WWOX: variants seen among roughly 807,000 people sequenced by gnomAD.
The protein encoded by WWOX is WW domain containing oxidoreductase.
WWOX carries 69 observed loss-of-function variants against 46.2 expected under a neutral mutation model. The observed-to-expected ratio is 1.49, with a 90% confidence interval of 1.23 to 1.82. WWOX has a LOEUF of 1.82. Ranked by LOEUF, WWOX falls within the 40% of genes most tolerant of loss-of-function variation. The pLI is 0.00. For missense variants in WWOX, 919 were observed against 542.6 expected (o/e 1.69, Z -6.89); for synonymous variants, 359 against 202.6 (o/e 1.77, Z -6.56).
At chr16:78,842,044 C>G (rs958424112) in intron 8 of WWOX, among the ~76,000 whole-genome samples, 1 of 152,154 alleles carries the variant, frequency 6.6e-6, no homozygotes, top group African/African-American at 2.4e-5. Flanking sequence ...ATCTCCCCTT[C>G]AAGGGGACCA....
At chr16:79,126,250 CAG>C (rs558647113) in intron 8 of WWOX, among the ~76,000 whole-genome samples, 189 of 152,192 alleles carry the variant, frequency 1.2e-3, no homozygotes, top group African/African-American at 4.5e-3. Flanking sequence ...ATGCTGGAAA[CAG>C]AGGTAAGAAG....
At chr16:78,377,416 G>T (rs1222442867) in intron 5 of WWOX, among the ~76,000 whole-genome samples, 1 of 152,152 alleles carries the variant, frequency 6.6e-6, no homozygotes, top group Non-Finnish European at 1.5e-5. Context: ...GACAGAGAAA[G>T]CTTTTACGCT....
At chr16:78,526,191 T>C (rs1355722953) in intron 8 of WWOX, 1 of 152,222 alleles carries the variant, frequency 6.6e-6, no homozygotes, top group Admixed American at 6.5e-5. Context: ...GTAGTGGAGC[T>C]AGGGAGTAGC....
intron 8 of WWOX, among the ~76,000 whole-genome samples, chr16:78,751,867 A>C (rs144824208): frequency 6.6e-6 from 1 of 152,122 alleles, no homozygotes; most frequent in Non-Finnish European, 1.5e-5. Flanking sequence ...AAAGAAATTA[A>C]TTCCCATTTT....
intron 5 of WWOX, among the ~76,000 whole-genome samples, chr16:78,324,634 TATA>T (rs2080569598): frequency 6.6e-6 from 1 of 152,316 alleles, no homozygotes; most frequent in East Asian, 1.9e-4. Context: ...TGAGGCATTC[TATA>T]ATGTGAGTGA....
chr16:78,901,367 C>T (rs1209086260), intron 8 of WWOX, among the ~76,000 whole-genome samples: 9 of 152,168 alleles, frequency 5.9e-5, no homozygotes, highest in Admixed American at 3.3e-4. Flanking sequence ...GGAAATATTT[C>T]GGATGGAATT....
intron 8 of WWOX, among the ~76,000 whole-genome samples, chr16:78,727,802 G>A (rs1253295312): frequency 6.6e-6 from 1 of 152,046 alleles, no homozygotes; most frequent in Admixed American, 6.6e-5. Flanking sequence ...GAATGGTAGA[G>A]TGTGTCCTAC....
chr16:79,132,012 G>T (rs957238274), intron 8 of WWOX, among the ~76,000 whole-genome samples: 1 of 152,006 alleles, frequency 6.6e-6, no homozygotes, highest in Non-Finnish European at 1.5e-5. Flanking sequence ...CCATGATTCA[G>T]TTGTCTCCCT....
chr16:78,772,838 G>A (rs1269550467), intron 8 of WWOX, among the ~76,000 whole-genome samples: 1 of 152,082 alleles, frequency 6.6e-6, no homozygotes, highest in Admixed American at 6.6e-5. Context: ...GGACAACATA[G>A]CGTGAACTTG....
intron 8 of WWOX, among the ~76,000 whole-genome samples, chr16:79,080,175 A>G (rs7205886): frequency 0.093 from 14,129 of 152,156 alleles, 758 homozygotes; most frequent in African/African-American, 0.13. Flanking sequence ...ATGCATCAGG[A>G]TACCAGAGAA....
chr16:78,664,167 G>T (rs1337531887), intron 8 of WWOX, among the ~76,000 whole-genome samples: 1 of 152,146 alleles, frequency 6.6e-6, no homozygotes, highest in African/African-American at 2.4e-5. Context: ...GTGACCAGGT[G>T]ACAATAATGG....
chr16:78,615,977 C>G lies in WWOX; in HGVS notation c.1056+183225C>G, dbSNP rs997883971. ...GTGTTAGCCAGGATGGTCTCGATCT[C>G]CTGACCTCGTGATCTGCCTGCCTTG... is the stretch of plus-strand genomic sequence containing the variant. On this transcript the variant is annotated intron_variant, in intron 8 of 8. Transcript: ENST00000566780. Among the ~76,000 whole-genome samples, 4 of 152,236 alleles carry G rather than the reference C, an allele frequency of 2.6e-5. 1 individual carries two copies. The South Asian group carries it at 8.3e-4, about 32-fold the overall frequency.
chr16:79,037,327 T>C (rs2047887564), intron 8 of WWOX, among the ~76,000 whole-genome samples: 1 of 152,198 alleles, frequency 6.6e-6, no homozygotes, highest in African/African-American at 2.4e-5. Context: ...AGAATGGTTT[T>C]GATTCTCAAG....
At chr16:78,250,779 G>C (rs1295598087) in intron 5 of WWOX, among the ~76,000 whole-genome samples, 1 of 152,180 alleles carries the variant, frequency 6.6e-6, no homozygotes, top group African/African-American at 2.4e-5. Context: ...GTCCAGTGGT[G>C]GCGGTGGGCT....
intron 8 of WWOX, among the ~76,000 whole-genome samples, chr16:78,748,011 C>T (rs902857770): frequency 1.3e-5 from 2 of 152,146 alleles, no homozygotes; most frequent in African/African-American, 2.4e-5. Context: ...AGTCCATCTG[C>T]GCCGAAGAGT....
chr16:78,725,497 G>C (rs1362477257), intron 8 of WWOX, among the ~76,000 whole-genome samples: 1 of 150,950 alleles, frequency 6.6e-6, no homozygotes, highest in African/African-American at 2.4e-5. Flanking sequence ...ATAGGCATCT[G>C]CCACCATGCA....
chr16:78,116,617 T>G (rs2032805509), intron 4 of WWOX, among the ~76,000 whole-genome samples: 1 of 152,192 alleles, frequency 6.6e-6, no homozygotes, highest in African/African-American at 2.4e-5. Flanking sequence ...AAGTCAAAAC[T>G]GATGGCGTAA....
intron 1 of WWOX, among the ~76,000 whole-genome samples, chr16:78,107,566 G>A (rs562797307): frequency 2.6e-5 from 4 of 152,226 alleles, no homozygotes; most frequent in South Asian, 2.1e-4. Flanking sequence ...GGTGCACAGC[G>A]CACAGCTAGA....
intron 4 of WWOX, among the ~76,000 whole-genome samples, chr16:78,131,600 G>C (rs771211086): frequency 6.7e-6 from 1 of 148,658 alleles, no homozygotes; most frequent in Non-Finnish European, 1.5e-5. Context: ...TTTCTTTTTT[G>C]AGATGGAGTC....
Sources: gnomAD v4.1 joint callset for allele counts (sites outside exome capture counted in the v4.1 genomes callset) on GRCh38, gnomAD v4.1.1 for gene constraint, MANE v1.5 for transcripts, NCBI Gene and HGNC (gene_info 2026-07-23, HGNC 2026-07-21) for gene names.